NECAB2: variants seen among roughly 807,000 people sequenced by gnomAD.
The protein encoded by NECAB2 is N-terminal EF-hand calcium binding protein 2.
In NECAB2, 68 loss-of-function variants were observed where a neutral mutation model predicts 51.9. That is an observed-to-expected ratio of 1.31 (90% CI 1.08 to 1.60). The LOEUF (loss-of-function observed/expected upper bound fraction) is 1.60. NECAB2 is among the 40% of genes most tolerant of loss of function. The pLI is 0.00. For missense variants in NECAB2, 854 were observed against 490.3 expected (o/e 1.74, Z -7.00); for synonymous variants, 329 against 203.5 (o/e 1.62, Z -5.25).
At chr16:83,983,675 C>T (rs570464760) in intron 5 of NECAB2, among the ~76,000 whole-genome samples, 6 of 152,080 alleles carry the variant, frequency 3.9e-5, no homozygotes, top group African/African-American at 1.4e-4. Context: ...CTGTGATAAA[C>T]CCTAATTGGT....
chr16:83,986,498 A>G (rs1045702490), intron 5 of NECAB2, among the ~76,000 whole-genome samples: 2 of 152,166 alleles, frequency 1.3e-5, no homozygotes, highest in Non-Finnish European at 1.5e-5. Flanking sequence ...AGAGTGCCAG[A>G]CAAACTTCCT....
At chr16:83,975,480 CAG>C (rs796851801) in intron 2 of NECAB2, among the ~76,000 whole-genome samples, 19 of 152,252 alleles carry the variant, frequency 1.2e-4, no homozygotes, top group African/African-American at 3.6e-4. Context: ...TGGGATGCCT[CAG>C]GGGAGCGGGA....
chr16:84,002,456 C>G lies in NECAB2; in HGVS notation c.*110C>G, dbSNP rs1198264617. 1.4e-6 allele frequency: 2 copies of G among 1,397,602 alleles called. No individual in the cohort carries two copies. Among genetic ancestry groups the G allele is most frequent in the African/African-American group, 2.9e-5 (2 of 69,788 alleles). The allele number at this position is 1,397,602 out of a possible 1,614,324, so 86.6% of individuals were successfully genotyped here. A position where few individuals can be genotyped will look rare whatever the true frequency, so the allele number is the denominator to read the frequency against. On this transcript the variant is annotated 3_prime_UTR_variant, in exon 13 of 13. Coordinates refer to ENST00000305202, the MANE Select transcript of NECAB2 (RefSeq NM_019065.3). ...GTGCAGAAGCTTCTTTTCAATCCAT[C>G]CTCCACAAGAAGGTGTTTCCCTGTT...
intron 5 of NECAB2, among the ~76,000 whole-genome samples, chr16:83,986,234 C>T (rs1190071771): frequency 6.6e-6 from 1 of 152,130 alleles, no homozygotes; most frequent in East Asian, 1.9e-4. Context: ...CCAGGCTGGT[C>T]TTGAACTCCT....
rs1348709975 is a variant in NECAB2 at position 83,994,701 on chromosome 16, C to T, written c.795+13C>T. Reference sequence around the variant, plus strand: ...GCTGGAGAGCAAAGTAAGCCCTGGCCTGACCACGGCGTCTACTCCTTCCAA... The same window carrying T: ...GCTGGAGAGCAAAGTAAGCCCTGGCTTGACCACGGCGTCTACTCCTTCCAA... On this transcript the variant is annotated intron_variant, in intron 8 of 12. Transcript: ENST00000305202. 1 of 1,613,694 alleles carries T rather than the reference C, an allele frequency of 6.2e-7. No homozygotes were observed. Among genetic ancestry groups the T allele is most frequent in the Non-Finnish European group, 8.5e-7 (1 of 1,179,960 alleles).
rs768543153 is a variant in NECAB2, at chr16:83,994,602, A to C, written c.716-7A>C. 3 of 1,613,844 alleles carry C rather than the reference A, an allele frequency of 1.9e-6. No individual in the cohort carries two copies. The highest frequency in any genetic ancestry group is 2.5e-6 in the Non-Finnish European group (3 of 1,179,998). On this transcript the variant is annotated splice_polypyrimidine_tract_variant and splice_region_variant and intron_variant, in intron 7 of 12. Transcript: ENST00000305202. ...CTGAAGTCTGTGTGTCTCTTTCTCTACCGCAGCCACGGAGGATGCAAAGGA... is the reference window on the plus strand; with the variant it reads ...CTGAAGTCTGTGTGTCTCTTTCTCTCCCGCAGCCACGGAGGATGCAAAGGA...
At chr16:83,974,469 G>A (rs1439754420) in intron 2 of NECAB2, among the ~76,000 whole-genome samples, 1 of 152,152 alleles carries the variant, frequency 6.6e-6, no homozygotes, top group Non-Finnish European at 1.5e-5. Context: ...TGTCCAGAGG[G>A]GTTTGATTCC....
chr16:83,967,780 T>A (rs1394190160), upstream of NECAB2, among the ~76,000 whole-genome samples: 6 of 119,766 alleles, frequency 5.0e-5, no homozygotes, highest in African/African-American at 2.0e-4. Context: ...GGAGGGTGGA[T>A]GGATGGATGC....
At chr16:83,969,373 A>C (rs529939343) in intron 1 of NECAB2, among the ~76,000 whole-genome samples, 67 of 151,750 alleles carry the variant, frequency 4.4e-4, no homozygotes, top group African/African-American at 1.6e-3. Context: ...TGCCACTTTA[A>C]AAGTGAAGCC....
chr16:83,998,381 C>A, intron 10 of NECAB2, 64 bp downstream of exon 10: 2 of 1,482,040 alleles, frequency 1.3e-6, no homozygotes, highest in East Asian at 2.3e-5. Flanking sequence ...AGTGGAGGAA[C>A]AGGGCAGGAC....
chr16:84,001,308 G>T (rs72793659), intron 11 of NECAB2, among the ~76,000 whole-genome samples: 1 of 151,816 alleles, frequency 6.6e-6, no homozygotes, highest in Non-Finnish European at 1.5e-5. Flanking sequence ...TTGCTGATGC[G>T]CCAGACCCCA....
chr16:83,965,290 C>G (rs939684622), upstream of NECAB2: 2 of 1,601,626 alleles, frequency 1.2e-6, no homozygotes, highest in African/African-American at 2.7e-5. Flanking sequence ...CGCTGTGGGC[C>G]CGCAACGTGG....
intron 8 of NECAB2, 72 bp from the exon 9 acceptor site, chr16:83,997,144 C>G: frequency 6.3e-7 from 1 of 1,597,248 alleles, no homozygotes; most frequent in Non-Finnish European, 8.6e-7. Context: ...CCCCAGGGAT[C>G]CCAGAGCTCC....
chr16:83,978,378 A>G, intron 2 of NECAB2, 66 bp from the exon 3 acceptor site: 1 of 1,322,412 alleles, frequency 7.6e-7, no homozygotes, highest in Non-Finnish European at 1.1e-6. Context: ...GGGGCCGTGC[A>G]TGCACTAGCC....
chr16:83,998,107 T>C, intron 9 of NECAB2, 98 bp from the exon 10 acceptor site: 2 of 1,060,836 alleles, frequency 1.9e-6, no homozygotes, highest in Non-Finnish European at 2.7e-6. Flanking sequence ...AGGGTTATTT[T>C]ATTTTGACCG....
chr16:83,984,461 G>A (rs8059352), intron 5 of NECAB2, among the ~76,000 whole-genome samples: 3,568 of 151,746 alleles, frequency 0.024, 112 homozygotes, highest in African/African-American at 0.078. Flanking sequence ...GGTGGCTCAC[G>A]CCTGTAATTC....
At chr16:83,976,359 C>A (rs752102084) in intron 2 of NECAB2, among the ~76,000 whole-genome samples, 2 of 152,194 alleles carry the variant, frequency 1.3e-5, no homozygotes, top group Non-Finnish European at 2.9e-5. Context: ...CCTCAGTTTA[C>A]CCCTCTCTAA....
rs1032585501 is a variant in NECAB2, at chr16:83,969,886, TCCTC to T, written c.201+1038_201+1041del. ...CTGTGAGTCGGGGGATTCCCTCCCT[TCCTC>T]TCTCCTCTTCCCTGCTCCTGGAACC... On this transcript the variant is annotated intron_variant, in intron 1 of 12. Transcript: ENST00000305202. Among the ~76,000 whole-genome samples the T allele has an allele frequency of 5.5e-4, 83 of 152,282 alleles. 2 individuals are homozygous for T. The highest frequency in any genetic ancestry group is 3.4e-3 in the Middle Eastern group (1 of 294).
intron 1 of NECAB2, among the ~76,000 whole-genome samples, chr16:83,970,384 C>G (rs916764312): frequency 6.6e-6 from 1 of 152,130 alleles, no homozygotes; most frequent in African/African-American, 2.4e-5. Context: ...GGAGCCTTGC[C>G]CAGTCAGGAA....
Sources: gnomAD v4.1 joint callset for allele counts (sites outside exome capture counted in the v4.1 genomes callset) on GRCh38, gnomAD v4.1.1 for gene constraint, MANE v1.5 for transcripts, NCBI Gene and HGNC (gene_info 2026-07-23, HGNC 2026-07-21) for gene names.